The following SGCZ variants were observed in gnomAD, a reference collection of about 807,000 sequenced individuals.
SGCZ encodes the protein sarcoglycan zeta, also known as zeta-sarcoglycan.
Under a neutral mutation model 41.3 loss-of-function variants are expected in SGCZ, and 40 were observed. The observed-to-expected ratio is 0.97, with a 90% CI of 0.75 to 1.26. The LOEUF (loss-of-function observed/expected upper bound fraction) is 1.26. SGCZ is among the 50% of genes most tolerant of loss of function. SGCZ has a pLI of 0.00. For synonymous variants in SGCZ, 206 were observed against 137.5 expected (o/e 1.50, Z -3.49); for missense variants, 552 against 369.8 (o/e 1.49, Z -4.04).
At chr8:15,153,479 T>C (rs1339917535) in intron 1 of SGCZ, among the ~76,000 whole-genome samples, 1 of 152,176 alleles carries the variant, frequency 6.6e-6, no homozygotes, top group Non-Finnish European at 1.5e-5. Context: ...TGATATAGTT[T>C]GAACATATGT....
chr8:14,897,720 T>C (rs1309145804), intron 1 of SGCZ, among the ~76,000 whole-genome samples: 3 of 152,214 alleles, frequency 2.0e-5, no homozygotes, highest in East Asian at 1.9e-4. Flanking sequence ...AACTGTATTA[T>C]ATCAACAAAT....
intron 1 of SGCZ, among the ~76,000 whole-genome samples, chr8:15,061,098 G>A (rs964362990): frequency 2.0e-5 from 3 of 150,038 alleles, no homozygotes; most frequent in African/African-American, 4.9e-5. Context: ...AATGAGAAAT[G>A]TTATCAAATG....
intron 1 of SGCZ, among the ~76,000 whole-genome samples, chr8:14,894,544 A>G (rs1035768713): frequency 2.6e-5 from 4 of 152,170 alleles, no homozygotes; most frequent in Non-Finnish European, 4.4e-5. Context: ...CACAATGAAC[A>G]GGAGCTTATC....
intron 1 of SGCZ, among the ~76,000 whole-genome samples, chr8:14,801,765 AC>A (rs924480405): frequency 6.6e-6 from 1 of 152,210 alleles, no homozygotes; most frequent in African/African-American, 2.4e-5. Context: ...TGATTCACTG[AC>A]AAAAAATCAA....
chr8:14,919,188 C>T (rs564972959), intron 1 of SGCZ, among the ~76,000 whole-genome samples: 73 of 152,240 alleles, frequency 4.8e-4, no homozygotes, highest in Non-Finnish European at 9.9e-4. Context: ...CCTGTAACCC[C>T]CGCACTTTGG....
At chr8:14,621,400 A>G (rs572480934) in intron 1 of SGCZ, among the ~76,000 whole-genome samples, 16 of 152,178 alleles carry the variant, frequency 1.1e-4, no homozygotes, top group African/African-American at 3.1e-4. Context: ...ACAAACCTGC[A>G]CGTTGTGCAC....
At chr8:14,212,043 T>C (rs1469106233) in intron 4 of SGCZ, among the ~76,000 whole-genome samples, 1 of 152,134 alleles carries the variant, frequency 6.6e-6, no homozygotes, top group African/African-American at 2.4e-5. Flanking sequence ...CTATCTGCTA[T>C]TCTGTATGAT....
chr8:15,034,082 G>C (rs759140868), intron 1 of SGCZ, among the ~76,000 whole-genome samples: 1 of 117,256 alleles, frequency 8.5e-6, no homozygotes, highest in East Asian at 1.9e-4. Context: ...TAGCACAAAA[G>C]AAAACCCACA....
chr8:14,400,134 T>G (rs7813981), intron 2 of SGCZ, among the ~76,000 whole-genome samples: 1 of 152,034 alleles, frequency 6.6e-6, no homozygotes, highest in Non-Finnish European at 1.5e-5. Flanking sequence ...CTTTTGTGAG[T>G]AGCTTCTTTC....
rs1413526637 is a variant in SGCZ at position 14,826,490 on chromosome 8, A to T, written c.40-271564T>A. On this transcript the variant is annotated intron_variant, in intron 1 of 7. Transcript: ENST00000382080. ...GGTCAAATGGTATTTCTAGTTCTAG[A>T]TCCCTGAGGAATCGCCACACTGACT... 2.6e-5 allele frequency among the ~76,000 whole-genome samples: 4 copies of T among 152,084 alleles called. 1 individual carries two copies. Among genetic ancestry groups the T allele is most frequent in the African/African-American group, 9.7e-5 (4 of 41,408 alleles).
At chr8:14,176,094 C>G (rs1804533982) in intron 4 of SGCZ, among the ~76,000 whole-genome samples, 2 of 152,120 alleles carry the variant, frequency 1.3e-5, no homozygotes, top group South Asian at 4.1e-4. Flanking sequence ...AATCCTGAAT[C>G]TTAATAGGAG....
intron 1 of SGCZ, among the ~76,000 whole-genome samples, chr8:15,210,642 A>G (rs1424345418): frequency 6.6e-6 from 1 of 152,080 alleles, no homozygotes; most frequent in African/African-American, 2.4e-5. Context: ...TGACTTAAAT[A>G]CCTATGCAAA....
At position 14,509,735 on chromosome 8, in the gene SGCZ, G is replaced by T. The variant is rs148685528; in HGVS notation, c.234+44997C>A. 4.7e-3 allele frequency among the ~76,000 whole-genome samples: 715 copies of T among 152,222 alleles called. 4 individuals are homozygous for T. The highest frequency in any genetic ancestry group is 0.016 in the African/African-American group (662 of 41,556). The stretch of plus-strand genomic sequence containing the variant: ...CTGACACAGGGTAATTAATAAAGAG[G>T]TTTAATCGACTCACAGTTCCTCATG... On this transcript the variant is annotated intron_variant, in intron 2 of 7. Transcript: ENST00000382080.
At chr8:14,463,495 A>G (rs549816783) in intron 2 of SGCZ, among the ~76,000 whole-genome samples, 1 of 151,470 alleles carries the variant, frequency 6.6e-6, no homozygotes, top group African/African-American at 2.4e-5. Context: ...TTAACTAAAA[A>G]TTAATCAAAG....
rs182879203 is a variant in SGCZ at position 14,605,790 on chromosome 8, T to G, written c.40-50864A>C. Among the ~76,000 whole-genome samples, 262 of 152,282 alleles carry G rather than the reference T, an allele frequency of 1.7e-3. 1 individual carries two copies. The highest frequency in any genetic ancestry group is 6.2e-3 in the African/African-American group (256 of 41,564). On this transcript the variant is annotated intron_variant, in intron 1 of 7. Coordinates refer to ENST00000382080, the MANE Select transcript of SGCZ (RefSeq NM_139167.4). ...ATTTTGAGAAAAAACAGTCAAGATT[T>G]AGGTGAACAGAAAACATACTGGAAT...
intron 2 of SGCZ, among the ~76,000 whole-genome samples, chr8:14,381,704 T>G (rs1186532806): frequency 6.6e-6 from 1 of 151,848 alleles, no homozygotes; most frequent in African/African-American, 2.4e-5. Flanking sequence ...AAGGGTCTCT[T>G]GAGCCCAGGA....
chr8:15,194,594 C>A (rs1034856870), intron 1 of SGCZ, among the ~76,000 whole-genome samples: 3 of 151,878 alleles, frequency 2.0e-5, no homozygotes, highest in Admixed American at 2.0e-4. Context: ...AAAGGGGATG[C>A]AAGAAGGTCA....
At chr8:14,990,884 C>G (rs137968870) in intron 1 of SGCZ, among the ~76,000 whole-genome samples, 2 of 152,010 alleles carry the variant, frequency 1.3e-5, no homozygotes, top group African/African-American at 2.4e-5. Flanking sequence ...TTATTTAAAT[C>G]TCAGAGGATC....
chr8:14,952,751 C>G (rs1800679172), intron 1 of SGCZ, among the ~76,000 whole-genome samples: 1 of 152,094 alleles, frequency 6.6e-6, no homozygotes, highest in Admixed American at 6.6e-5. Flanking sequence ...GAACTCTAAA[C>G]TTCCAAAGTA....
Sources: gnomAD v4.1 joint callset for allele counts (sites outside exome capture counted in the v4.1 genomes callset) on GRCh38, gnomAD v4.1.1 for gene constraint, MANE v1.5 for transcripts, NCBI Gene and HGNC (gene_info 2026-07-23, HGNC 2026-07-21) for gene names.